Variants in GALNT17 observed in about 807,000 individuals in gnomAD.
The protein encoded by GALNT17 is UDP-GalNAc:polypeptide N-acetylgalactosaminyltransferase-like 3.
Under a neutral mutation model 63.7 loss-of-function variants are expected in GALNT17, and 29 were observed. The ratio of observed to expected loss-of-function variants is 0.46; its 90% CI spans 0.34 to 0.62. The LOEUF is 0.62. Ranked by LOEUF, GALNT17 falls within the 20% of genes least tolerant of loss-of-function variation. The probability of loss-of-function intolerance (pLI) is 0.01; values close to 1 mark genes in which losing one functional copy is unlikely to be tolerated. For synonymous variants in GALNT17, 305 were observed against 318.3 expected (o/e 0.96, Z 0.45); for missense variants, 603 against 799.6 (o/e 0.75, Z 2.97).
chr7:71,585,219 G>T (rs1162649496), intron 6 of GALNT17, among the ~76,000 whole-genome samples: 1 of 152,150 alleles, frequency 6.6e-6, no homozygotes, highest in Non-Finnish European at 1.5e-5. Flanking sequence ...GATACATAAT[G>T]TCTGGTTATC....
intron 2 of GALNT17, among the ~76,000 whole-genome samples, chr7:71,338,195 C>CT (rs1295952839): frequency 6.6e-6 from 1 of 151,714 alleles, no homozygotes; most frequent in African/African-American, 2.4e-5. Context: ...GGCGTGGTGG[C>CT]GGGCGCCTGT....
intron 6 of GALNT17, among the ~76,000 whole-genome samples, chr7:71,581,728 A>T (rs1789638056): frequency 1.3e-5 from 2 of 152,132 alleles, no homozygotes; most frequent in South Asian, 2.1e-4. Context: ...AATCCCCTAA[A>T]TAGAGGACTC....
chr7:71,546,426 T>C (rs1262676449), intron 5 of GALNT17, among the ~76,000 whole-genome samples: 1 of 152,106 alleles, frequency 6.6e-6, no homozygotes, highest in Non-Finnish European at 1.5e-5. Flanking sequence ...CCTCCCAAAA[T>C]GCTGAGATTA....
chr7:71,424,655 G>A (rs186872387), intron 5 of GALNT17, among the ~76,000 whole-genome samples: 9 of 152,238 alleles, frequency 5.9e-5, no homozygotes, highest in East Asian at 5.8e-4. Flanking sequence ...CTTAACTTAC[G>A]GAATGCTTAA....
chr7:71,630,882 G>T (rs1562716413), intron 6 of GALNT17, among the ~76,000 whole-genome samples: 1 of 152,230 alleles, frequency 6.6e-6, no homozygotes, highest in South Asian at 2.1e-4. Flanking sequence ...AGGCCACGTC[G>T]TTAGAATACT....
intron 3 of GALNT17, among the ~76,000 whole-genome samples, chr7:71,404,040 G>A (rs1793285311): frequency 6.6e-6 from 1 of 152,182 alleles, no homozygotes; most frequent in Admixed American, 6.5e-5. Context: ...TGCCTTTGAT[G>A]GGGTAAGGTA....
chr7:71,422,617 T>G (rs936881382), intron 5 of GALNT17, among the ~76,000 whole-genome samples: 1 of 152,214 alleles, frequency 6.6e-6, no homozygotes, highest in Admixed American at 6.5e-5. Flanking sequence ...GGGGAGCATT[T>G]TGGGGCTCCG....
At chr7:71,524,277 T>TAATTATA (rs1788588592) in intron 5 of GALNT17, among the ~76,000 whole-genome samples, 1 of 147,682 alleles carries the variant, frequency 6.8e-6, no homozygotes, top group African/African-American at 2.5e-5. Flanking sequence ...TAATTATATA[T>TAATTATA]TATCATATTA....
chr7:71,546,317 C>T lies in GALNT17; in HGVS notation c.963-24968C>T, dbSNP rs529522395. ...CTGGGACTACAGGTGTGCACCACCA[C>T]TCCTGGCTAATTTTTATAATTTTTA... On this transcript the variant is annotated intron_variant, in intron 5 of 10. Coordinates refer to ENST00000333538, the MANE Select transcript of GALNT17 (RefSeq NM_022479.3). 1.3e-5 allele frequency among the ~76,000 whole-genome samples: 2 copies of T among 152,166 alleles called. 1 individual carries two copies. Among genetic ancestry groups the T allele is most frequent in the South Asian group, 4.2e-4 (2 of 4,818 alleles).
chr7:71,373,773 C>T (rs78232424), intron 2 of GALNT17, among the ~76,000 whole-genome samples: 4,402 of 152,182 alleles, frequency 0.029, 105 homozygotes, highest in East Asian at 0.11. Flanking sequence ...GCCACACCCC[C>T]GGTTCATGGA....
At chr7:71,189,148 C>T (rs963479489) in intron 1 of GALNT17, among the ~76,000 whole-genome samples, 2 of 152,114 alleles carry the variant, frequency 1.3e-5, no homozygotes, top group Non-Finnish European at 2.9e-5. Flanking sequence ...CAGTGTCCCC[C>T]ATACTATCCT....
intron 6 of GALNT17, among the ~76,000 whole-genome samples, chr7:71,580,443 AGAT>A (rs1789619529): frequency 6.7e-6 from 1 of 149,854 alleles, no homozygotes; most frequent in East Asian, 1.9e-4. Context: ...ATAGATAGAT[AGAT>A]GAGACATAGA....
intron 5 of GALNT17, among the ~76,000 whole-genome samples, chr7:71,484,269 CT>C (rs1787871776): frequency 6.6e-6 from 1 of 152,128 alleles, no homozygotes; most frequent in African/African-American, 2.4e-5. Flanking sequence ...GGGCGGATCA[CT>C]TGAGGTCAGG....
chr7:71,452,678 C>G (rs1787285105), intron 5 of GALNT17, among the ~76,000 whole-genome samples: 1 of 152,144 alleles, frequency 6.6e-6, no homozygotes. Context: ...TTTGTATTTG[C>G]TTCCTTGGTT....
At chr7:71,550,566 A>G (rs1789059921) in intron 5 of GALNT17, among the ~76,000 whole-genome samples, 1 of 152,026 alleles carries the variant, frequency 6.6e-6, no homozygotes, top group Non-Finnish European at 1.5e-5. Flanking sequence ...TATTTAATAG[A>G]GACAGGATTT....
At chr7:71,674,349 T>TAA (rs398005156) in intron 8 of GALNT17, among the ~76,000 whole-genome samples, 11 of 148,962 alleles carry the variant, frequency 7.4e-5, no homozygotes, top group African/African-American at 2.5e-4. Context: ...TCTTCCTTTT[T>TAA]AAAAAAAAAA....
chr7:71,382,991 A>G (rs1322249160), intron 2 of GALNT17, among the ~76,000 whole-genome samples: 1 of 152,122 alleles, frequency 6.6e-6, no homozygotes, highest in Admixed American at 6.6e-5. Context: ...ACTGCACCCA[A>G]TCACAATAAT....
At chr7:71,271,525 G>A (rs906952253) in intron 1 of GALNT17, among the ~76,000 whole-genome samples, 4 of 152,264 alleles carry the variant, frequency 2.6e-5, no homozygotes, top group South Asian at 2.1e-4. Flanking sequence ...CTGAGCTCAC[G>A]GAAATGAAGT....
At chr7:71,557,228 T>G (rs762615729) in intron 5 of GALNT17, among the ~76,000 whole-genome samples, 1 of 152,146 alleles carries the variant, frequency 6.6e-6, no homozygotes, top group Non-Finnish European at 1.5e-5. Context: ...TATCCCATAG[T>G]GCCTGCATTG....
Sources: gnomAD v4.1 joint callset for allele counts (sites outside exome capture counted in the v4.1 genomes callset) on GRCh38, gnomAD v4.1.1 for gene constraint, MANE v1.5 for transcripts, NCBI Gene and HGNC (gene_info 2026-07-23, HGNC 2026-07-21) for gene names.